Variants in GRM8 observed in about 807,000 individuals in gnomAD.
GRM8 encodes metabotropic glutamate receptor 8.
In GRM8, 47 loss-of-function variants were observed where a neutral mutation model predicts 87.2. That is an observed-to-expected ratio of 0.54 (90% confidence interval 0.43 to 0.69). The LOEUF (loss-of-function observed/expected upper bound fraction) is 0.69, where lower values mean the gene tolerates loss of function less well. Ranked by LOEUF, GRM8 falls within the 30% of genes least tolerant of loss-of-function variation. The probability of loss-of-function intolerance (pLI) is 0.00; values close to 1 mark genes in which losing one functional copy is unlikely to be tolerated. For missense variants in GRM8, 1,019 were observed against 1,139.2 expected (o/e 0.89, Z 1.52); for synonymous variants, 396 against 404.5 (o/e 0.98, Z 0.25).
chr7:127,063,485 A>G (rs1820818201), intron 3 of GRM8, among the ~76,000 whole-genome samples: 1 of 152,200 alleles, frequency 6.6e-6, no homozygotes, highest in African/African-American at 2.4e-5. Context: ...CTGAGGCAAT[A>G]GGATCACTTC....
At chr7:126,471,589 T>C (rs1049219412) in intron 9 of GRM8, among the ~76,000 whole-genome samples, 5 of 152,036 alleles carry the variant, frequency 3.3e-5, no homozygotes, top group African/African-American at 9.6e-5. Flanking sequence ...CTTTGGTTAC[T>C]GTAGCCTTGT....
chr7:127,130,778 G>A (rs1827645553), intron 2 of GRM8, among the ~76,000 whole-genome samples: 2 of 152,044 alleles, frequency 1.3e-5, no homozygotes, highest in South Asian at 4.2e-4. Context: ...GATCATGGGG[G>A]CAGTTTCCCA....
intron 3 of GRM8, among the ~76,000 whole-genome samples, chr7:127,097,659 T>C (rs1244025743): frequency 1.3e-5 from 2 of 152,182 alleles, no homozygotes; most frequent in Admixed American, 6.6e-5. Flanking sequence ...ACTTTTGAGT[T>C]TATAAAGAAC....
chr7:127,096,139 A>C (rs1824628883), intron 3 of GRM8, among the ~76,000 whole-genome samples: 1 of 152,206 alleles, frequency 6.6e-6, no homozygotes, highest in Non-Finnish European at 1.5e-5. Context: ...GGAATGCAAG[A>C]ATGGGCTGCC....
At chr7:127,037,466 C>A (rs1442912675) in intron 3 of GRM8, among the ~76,000 whole-genome samples, 2 of 152,168 alleles carry the variant, frequency 1.3e-5, no homozygotes, top group Admixed American at 1.3e-4. Context: ...CCTCCCTGAC[C>A]AAAGACTGTG....
chr7:126,881,900 C>T (rs1468274282), intron 6 of GRM8, among the ~76,000 whole-genome samples: 1 of 151,990 alleles, frequency 6.6e-6, no homozygotes, highest in African/African-American at 2.4e-5. Flanking sequence ...AAGTATAAAA[C>T]CTCTTACAAA....
chr7:126,693,169 G>A (rs1809008198), intron 7 of GRM8, among the ~76,000 whole-genome samples: 1 of 152,102 alleles, frequency 6.6e-6, no homozygotes, highest in Non-Finnish European at 1.5e-5. Flanking sequence ...AAACCAAATT[G>A]TCAACATGGG....
At chr7:126,679,687 C>A in intron 7 of GRM8, among the ~76,000 whole-genome samples, 1 of 151,946 alleles carries the variant, frequency 6.6e-6, no homozygotes, top group South Asian at 2.1e-4. Context: ...GTGATGAAAC[C>A]CAATCTGTAG....
At position 126,533,734 on chromosome 7, in the gene GRM8, C is replaced by T. The variant is rs1815227475; in HGVS notation, c.1648G>A (p.Glu550Lys). 1.2e-6 allele frequency: 2 copies of T among 1,613,992 alleles called. No homozygotes were observed. The highest frequency in any genetic ancestry group is 1.3e-5 in the African/African-American group (1 of 74,924). Residue 550 changes from glutamate to lysine, a missense_variant, in exon 9 of 11, where the codon GAG (glutamate) becomes AAG (lysine). Physicochemically the swap from Glu to Lys is moderately conservative, Grantham distance 56. Coordinates refer to ENST00000339582, the MANE Select transcript of GRM8 (RefSeq NM_000845.3). ...AGAGGGCAAAGTTCACAGGACAGCT[C>T]ATCCACCTGGTAGTTGTAACCTTCA... ...RCEGYNYQVD[E>K]LSCELCPLDQ...
chr7:126,626,938 A>C (rs1800768037), intron 7 of GRM8, among the ~76,000 whole-genome samples: 1 of 152,208 alleles, frequency 6.6e-6, no homozygotes, highest in African/African-American at 2.4e-5. Flanking sequence ...AATTTATAAA[A>C]TCTGTAAATC....
intron 3 of GRM8, among the ~76,000 whole-genome samples, chr7:126,907,176 G>A (rs1802776234): frequency 6.8e-6 from 1 of 146,012 alleles, no homozygotes; most frequent in African/African-American, 2.5e-5. Context: ...ACAAGGAGGA[G>A]GAAATGGAAG....
chr7:126,739,425 CA>C (rs757006587), intron 7 of GRM8, among the ~76,000 whole-genome samples: 33 of 151,786 alleles, frequency 2.2e-4, no homozygotes, highest in Non-Finnish European at 3.4e-4. Context: ...CACACACACA[CA>C]CACACCACAT....
chr7:127,199,918 T>C (rs1475106137), intron 2 of GRM8, among the ~76,000 whole-genome samples: 1 of 152,188 alleles, frequency 6.6e-6, no homozygotes, highest in Non-Finnish European at 1.5e-5. Context: ...CAGCTTTGCT[T>C]TTTTTGCGGA....
At chr7:127,103,694 T>A (rs1014694426) in intron 3 of GRM8, among the ~76,000 whole-genome samples, 12 of 152,198 alleles carry the variant, frequency 7.9e-5, no homozygotes, top group Admixed American at 1.3e-4. Flanking sequence ...CTCCCATAAT[T>A]CACTAAACAA....
intron 6 of GRM8, among the ~76,000 whole-genome samples, chr7:126,889,023 C>G (rs1043048994): frequency 2.6e-5 from 4 of 152,062 alleles, no homozygotes; most frequent in African/African-American, 9.7e-5. Flanking sequence ...CTACCATATC[C>G]TATGTCGGCC....
At position 127,242,822 on chromosome 7, in the gene GRM8, GC is replaced by G. The variant is rs1266876957; in HGVS notation, c.382del (p.Ala128LeufsTer4). On this transcript the variant is annotated frameshift_variant, in exon 2 of 11. Coordinates refer to ENST00000339582, the MANE Select transcript of GRM8 (RefSeq NM_000845.3). LOFTEE classifies it high-confidence loss of function. ...TCCATTAGCACACTTCACATCCGAAGCATCTTTCTCTATTAATGCCTGCACG... is the reference window on the plus strand; with the variant it reads ...TCCATTAGCACACTTCACATCCGAAGATCTTTCTCTATTAATGCCTGCACG... ...TFVQALIEKD[A>X]SDVKCANGDP... The G allele has an allele frequency of 1.2e-6, 2 of 1,614,028 alleles. No homozygotes were observed. Among genetic ancestry groups the G allele is most frequent in the Admixed American group, 1.7e-5 (1 of 59,996 alleles).
intron 2 of GRM8, among the ~76,000 whole-genome samples, chr7:127,180,890 C>T (rs1170578089): frequency 6.6e-6 from 1 of 151,948 alleles, no homozygotes; most frequent in Non-Finnish European, 1.5e-5. Flanking sequence ...CAACATAATA[C>T]TAAATGGGGA....
intron 3 of GRM8, among the ~76,000 whole-genome samples, chr7:126,944,811 G>A (rs1807355994): frequency 6.6e-6 from 1 of 152,114 alleles, no homozygotes; most frequent in African/African-American, 2.4e-5. Flanking sequence ...ATATAAAAAT[G>A]AACAAAGGAT....
At chr7:126,528,472 G>T (rs1814265149) in intron 9 of GRM8, among the ~76,000 whole-genome samples, 1 of 152,124 alleles carries the variant, frequency 6.6e-6, no homozygotes, top group Non-Finnish European at 1.5e-5. Context: ...ATGGGTAACA[G>T]CCTAATGGTG....
Sources: allele counts gnomAD v4.1 joint callset (sites outside exome capture counted in the v4.1 genomes callset), GRCh38; gene constraint gnomAD v4.1.1; transcripts MANE v1.5; gene names NCBI Gene and HGNC (gene_info 2026-07-23, HGNC 2026-07-21).